POF1B: variants seen among roughly 807,000 people sequenced by gnomAD.
The protein encoded by POF1B is POF1B actin binding protein, also known as protein POF1B.
In POF1B, 53 loss-of-function variants were observed where a neutral mutation model predicts 55.3. That is an observed-to-expected ratio of 0.96 (90% CI 0.77 to 1.20). The LOEUF (loss-of-function observed/expected upper bound fraction) is 1.20, where lower values mean the gene tolerates loss of function less well. Ranked by LOEUF, POF1B falls within the 50% of genes most tolerant of loss-of-function variation. The pLI is 0.00. For synonymous variants in POF1B, 188 were observed against 148.3 expected (o/e 1.27, Z -1.95); for missense variants, 478 against 420.5 (o/e 1.14, Z -1.20).
intron 4 of POF1B, among the ~76,000 whole-genome samples, chrX:85,352,585 A>G (rs1228508100): frequency 9.0e-6 from 1 of 111,472 alleles, no homozygotes; most frequent in African/African-American, 3.2e-5. Flanking sequence ...TATATAAGTG[A>G]CCAAATCTGA....
chrX:85,378,335 A>G (rs1933955066), intron 2 of POF1B, among the ~76,000 whole-genome samples: 1 of 111,938 alleles, frequency 8.9e-6, no homozygotes, highest in African/African-American at 3.3e-5. Context: ...CAGAAAGCTT[A>G]AAACATGCAA....
intron 15 of POF1B, among the ~76,000 whole-genome samples, chrX:85,299,193 T>C (rs1413317347): frequency 6.3e-5 from 4 of 63,227 alleles, no homozygotes; most frequent in African/African-American, 4.8e-4. Context: ...TTTTTTTTCT[T>C]TTTTTTTTTT....
intron 5 of POF1B, 46 bp downstream of exon 5, chrX:85,351,304 A>C: frequency 1.1e-6 from 1 of 936,688 alleles, no homozygotes; most frequent in Non-Finnish European, 1.5e-6. Flanking sequence ...AATACAATTC[A>C]AAATTATACA....
At chrX:85,286,851 C>T (rs781596780) in intron 15 of POF1B, among the ~76,000 whole-genome samples, 22 of 111,156 alleles carry the variant, frequency 2.0e-4, no homozygotes, top group Non-Finnish European at 3.4e-4. Context: ...ACTGATAGAA[C>T]TGAAAGGAGA....
chrX:85,345,109 G>A (rs1252515788), intron 6 of POF1B, among the ~76,000 whole-genome samples: 1 of 110,864 alleles, frequency 9.0e-6, no homozygotes, highest in Non-Finnish European at 1.9e-5. Context: ...TTGTCTTTTA[G>A]TAAGAGGTGC....
intron 6 of POF1B, among the ~76,000 whole-genome samples, chrX:85,338,284 A>G (rs1325686434): frequency 9.0e-6 from 1 of 111,686 alleles, no homozygotes; most frequent in East Asian, 2.8e-4. Context: ...AAAGGATAAA[A>G]TTGCAGCTAC....
chrX:85,370,399 T>G lies in POF1B; in HGVS notation c.283-2633A>C, dbSNP rs756835661. Among the ~76,000 whole-genome samples the G allele has an allele frequency of 2.7e-5, 3 of 111,756 alleles. No individual in the cohort carries two copies. In the South Asian group the frequency reaches 1.1e-3, roughly 42 times the overall value. On this transcript the variant is annotated intron_variant, in intron 2 of 16. Transcript: ENST00000262753. ...ATTGATCATCTAGACAAATGTGGCT[T>G]TCCCACGCAACCCTCATGGAAACAT...
chrX:85,332,314 A>G (rs1450530044), intron 6 of POF1B, among the ~76,000 whole-genome samples: 1 of 111,409 alleles, frequency 9.0e-6, no homozygotes, highest in Non-Finnish European at 1.9e-5. Flanking sequence ...CCAACTGTAG[A>G]GAACTCATAG....
chrX:85,334,911 G>A (rs1165465534), intron 6 of POF1B, among the ~76,000 whole-genome samples: 12 of 111,215 alleles, frequency 1.1e-4, no homozygotes, highest in Admixed American at 2.9e-4. Context: ...TGATTATAAG[G>A]CACAATCAAT....
intron 15 of POF1B, among the ~76,000 whole-genome samples, chrX:85,301,533 C>T (rs1932456027): frequency 9.0e-6 from 1 of 111,402 alleles, no homozygotes. Context: ...GTCCTTCAGG[C>T]TGAAATTTAA....
At chrX:85,317,573 C>A (rs1932798371) in intron 7 of POF1B, among the ~76,000 whole-genome samples, 1 of 110,544 alleles carries the variant, frequency 9.0e-6, no homozygotes, top group Non-Finnish European at 1.9e-5. Flanking sequence ...TCTATGTCTT[C>A]TTTTGAAAAG....
chrX:85,354,754 C>G (rs774500668), intron 4 of POF1B, among the ~76,000 whole-genome samples: 1 of 110,428 alleles, frequency 9.1e-6, no homozygotes, highest in Non-Finnish European at 1.9e-5. Context: ...TTACAAGGGA[C>G]GTGAAGGACC....
chrX:85,354,019 G>GA (rs1266526149), intron 4 of POF1B, among the ~76,000 whole-genome samples: 1 of 110,430 alleles, frequency 9.1e-6, no homozygotes, highest in African/African-American at 3.3e-5. Flanking sequence ...AGTATAATGG[G>GA]AAAAAAATTA....
At chrX:85,291,624 G>T (rs1197126966) in intron 15 of POF1B, among the ~76,000 whole-genome samples, 1 of 111,060 alleles carries the variant, frequency 9.0e-6, no homozygotes, top group Non-Finnish European at 1.9e-5. Flanking sequence ...GCAGTGTTTT[G>T]TAGTTCTACT....
intron 4 of POF1B, among the ~76,000 whole-genome samples, chrX:85,354,581 CT>C (rs1933451174): frequency 9.0e-6 from 1 of 111,168 alleles, no homozygotes; most frequent in African/African-American, 3.3e-5. Context: ...CCAAAATCTC[CT>C]TAAGCTGATA....
At chrX:85,336,984 G>A (rs1046360184) in intron 6 of POF1B, among the ~76,000 whole-genome samples, 4 of 111,633 alleles carry the variant, frequency 3.6e-5, no homozygotes, top group Non-Finnish European at 7.5e-5. Flanking sequence ...TATGGTGAGA[G>A]ATAGAGGTTT....
At chrX:85,377,100 G>A (rs1380074553) in intron 2 of POF1B, among the ~76,000 whole-genome samples, 1 of 111,817 alleles carries the variant, frequency 8.9e-6, no homozygotes. Flanking sequence ...GTTTATTAAG[G>A]ATAGACTTTA....
intron 3 of POF1B, among the ~76,000 whole-genome samples, chrX:85,360,901 T>A (rs1933604905): frequency 9.0e-6 from 1 of 110,928 alleles, no homozygotes; most frequent in Non-Finnish European, 1.9e-5. Flanking sequence ...TTCTTCTGGC[T>A]TGTTAATAAT....
chrX:85,334,411 A>G (rs1933030316), intron 6 of POF1B, among the ~76,000 whole-genome samples: 2 of 111,863 alleles, frequency 1.8e-5, no homozygotes, highest in Admixed American at 1.9e-4. Flanking sequence ...GCTGTGCTGA[A>G]GAATATAAAC....
Sources: allele counts gnomAD v4.1 joint callset (sites outside exome capture counted in the v4.1 genomes callset), GRCh38; gene constraint gnomAD v4.1.1; transcripts MANE v1.5; gene names NCBI Gene and HGNC (gene_info 2026-07-23, HGNC 2026-07-21).